The following BOP1 variants were observed in gnomAD, a reference collection of about 807,000 sequenced individuals.
BOP1 encodes BOP1 ribosomal biogenesis factor, also known as ribosome biogenesis protein BOP1.
BOP1 carries 54 observed loss-of-function variants against 82.9 expected under a neutral mutation model. The ratio of observed to expected loss-of-function variants is 0.65; its 90% CI spans 0.52 to 0.82. The LOEUF (loss-of-function observed/expected upper bound fraction) is 0.82. BOP1 is among the 40% of genes least tolerant of loss of function. BOP1 has a pLI of 0.00. For synonymous variants in BOP1, 566 were observed against 451.1 expected, an observed-to-expected ratio of 1.25 and a Z score of -3.23; for missense variants, 1,170 against 1,072.0, an observed-to-expected ratio of 1.09 and a Z score of -1.28.
chr8:144,265,532 C>G (rs957968509), intron 3 of BOP1: 1 of 186,956 alleles, frequency 5.3e-6, no homozygotes, highest in Non-Finnish European at 1.1e-5. Flanking sequence ...GACCCCCCAC[C>G]GTCTGCCCTC....
At chr8:144,263,949 T>C in intron 8 of BOP1, 32 bp downstream of exon 8, 1 of 1,611,318 alleles carries the variant, frequency 6.2e-7, no homozygotes, top group Non-Finnish European at 8.5e-7. Context: ...TTGCCCCCTG[T>C]GCCACCCCCC....
At chr8:144,271,090 GGCC>G (rs1845485090) in intron 3 of BOP1, among the ~76,000 whole-genome samples, 1 of 151,730 alleles carries the variant, frequency 6.6e-6, no homozygotes, top group Non-Finnish European at 1.5e-5. Flanking sequence ...CCGGCCGGCC[GGCC>G]GGGGGCACAC....
At chr8:144,265,564 G>GT (rs1845342987) in intron 3 of BOP1, 1 of 178,118 alleles carries the variant, frequency 5.6e-6, no homozygotes, top group African/African-American at 2.4e-5. Flanking sequence ...AGGCAGAACA[G>GT]CCACGTTCCT....
At chr8:144,286,079 G>C (rs1554839435) in intron 2 of BOP1, among the ~76,000 whole-genome samples, 1 of 152,232 alleles carries the variant, frequency 6.6e-6, no homozygotes, top group African/African-American at 2.4e-5. Context: ...CCATTCAAGA[G>C]GGGCGCGGAG....
intron 3 of BOP1, among the ~76,000 whole-genome samples, chr8:144,269,667 G>A (rs1325233148): frequency 2.0e-5 from 3 of 152,208 alleles, no homozygotes; most frequent in African/African-American, 4.8e-5. Context: ...TAATCCTGCA[G>A]GAGCCCACAG....
intron 3 of BOP1, among the ~76,000 whole-genome samples, chr8:144,269,553 G>A (rs1845457953): frequency 6.6e-6 from 1 of 152,236 alleles, no homozygotes; most frequent in Non-Finnish European, 1.5e-5. Flanking sequence ...AGCCATTAAG[G>A]GCTAGAGGGG....
intron 3 of BOP1, chr8:144,266,942 A>T: frequency 1.3e-6 from 2 of 1,559,934 alleles, no homozygotes; most frequent in Non-Finnish European, 1.7e-6. Context: ...GCCGACCGCA[A>T]GCTCTCCAAG....
At chr8:144,271,692 G>C (rs931034035) in intron 3 of BOP1, among the ~76,000 whole-genome samples, 3 of 151,904 alleles carry the variant, frequency 2.0e-5, no homozygotes, top group Non-Finnish European at 4.4e-5. Flanking sequence ...GGGCCAGAGG[G>C]GAGAAAGCCA....
At position 144,264,072 on chromosome 8, in the gene BOP1, A is replaced by G; in HGVS notation, c.1049T>C (p.Leu350Pro). 6.2e-7 allele frequency: 1 copy of G among 1,610,094 alleles called. No individual in the cohort carries two copies. Among genetic ancestry groups the G allele is most frequent in the Non-Finnish European group, 8.5e-7 (1 of 1,179,574 alleles). Residue 350 changes from leucine to proline, a missense_variant, in exon 8 of 16, where the codon CTG (leucine) becomes CCG (proline). Physicochemically the swap from Leu to Pro is moderately conservative, Grantham distance 98. Transcript: ENST00000569669. ...GCGTCCGTAGGCAGGCACGGCCCGC[A>G]GGCTCGGGAACTTGCGTGGCAAAAA... is the stretch of plus-strand genomic sequence containing the variant. ...LSFLPRKFPS[L>P]RAVPAYGRFI...
In BOP1 at chr8:144,291,238, G is replaced by A; in HGVS notation, c.99+34C>T. 1.4e-6 allele frequency: 2 copies of A among 1,436,304 alleles called. No homozygotes were observed. The highest frequency in any genetic ancestry group is 1.8e-6 in the Non-Finnish European group (2 of 1,096,906). The allele number at this position is 1,436,304 out of a possible 1,614,324, so 89.0% of individuals were successfully genotyped here. On this transcript the variant is annotated intron_variant, in intron 1 of 15. Transcript: ENST00000569669. This position sits in a 1 kb window ranked among gnomAD's most constrained non-coding sequence, Gnocchi z 4.1. ...CCACGTGCCCGCCGGGCCCTCTAGG[G>A]ACGCGCCCCGCCGCCCCGCATCGCC...
chr8:144,271,547 G>A lies in BOP1; in HGVS notation c.390+4677C>T, dbSNP rs564925480. On this transcript the variant is annotated intron_variant, in intron 3 of 15. Transcript: ENST00000569669. ...TCTCGGAGCGCCACACGGCCTTCCTGTGCGACGTGAGGCCGCCTCCTCTTC... is the reference window on the plus strand; with the variant it reads ...TCTCGGAGCGCCACACGGCCTTCCTATGCGACGTGAGGCCGCCTCCTCTTC... Among the ~76,000 whole-genome samples, 1,519 of 152,282 alleles carry A rather than the reference G, an allele frequency of 1.0e-2. 29 individuals are homozygous for A. Among genetic ancestry groups the A allele is most frequent in the African/African-American group, 0.034 (1,432 of 41,554 alleles).
At chr8:144,266,352 G>A (rs1205085614) in intron 3 of BOP1, among the ~76,000 whole-genome samples, 1 of 150,682 alleles carries the variant, frequency 6.6e-6, no homozygotes, top group African/African-American at 2.4e-5. Flanking sequence ...CGAGGGACGC[G>A]GCGGGCGCTG....
At chr8:144,271,255 G>A (rs1200578104) in intron 3 of BOP1, among the ~76,000 whole-genome samples, 9 of 151,890 alleles carry the variant, frequency 5.9e-5, no homozygotes, top group Non-Finnish European at 1.3e-4. Flanking sequence ...CCTCCCCAAA[G>A]TGGCTGCAGC....
Position 144,286,459 on chromosome 8 carries a change from T to C in BOP1, c.309+2636A>G, listed in dbSNP as rs552995825. 6.8e-3 allele frequency among the ~76,000 whole-genome samples: 628 copies of C among 92,944 alleles called. 10 individuals carry two copies. Among genetic ancestry groups the C allele is most frequent in the South Asian group, 0.018 (40 of 2,182 alleles). The allele number at this position is 92,944 out of a possible 152,430, so 61.0% of individuals were successfully genotyped here. On this transcript the variant is annotated intron_variant, in intron 2 of 15. Coordinates refer to ENST00000569669, the MANE Select transcript of BOP1 (RefSeq NM_015201.5). ...AGCACAGGACACGCGGGCAGGTGCA[T>C]GGGCGCCACGGCAGGGCAGGGCCTC...
rs587633556 is a variant in BOP1 at position 144,280,983 on chromosome 8, C to T, written c.310-4679G>A. On this transcript the variant is annotated intron_variant, in intron 2 of 15. Coordinates refer to ENST00000569669, the MANE Select transcript of BOP1 (RefSeq NM_015201.5). ...GCCTTCTCTCACTTTAATACCAGGTCTTCGGCCTTCTCTCACTTTCATACC... is the reference window on the plus strand; with the variant it reads ...GCCTTCTCTCACTTTAATACCAGGTTTTCGGCCTTCTCTCACTTTCATACC... 1.5e-4 allele frequency among the ~76,000 whole-genome samples: 22 copies of T among 151,134 alleles called. No homozygotes were observed. The East Asian group carries it at 4.3e-3, about 30-fold the overall frequency.
chr8:144,268,136 C>A, intron 3 of BOP1: 2 of 1,551,738 alleles, frequency 1.3e-6, no homozygotes, highest in African/African-American at 1.4e-5. Context: ...CAGCGATTCG[C>A]AGTTAGGAGG....
At position 144,263,655 on chromosome 8, in the gene BOP1, G is replaced by GC. The variant is rs1349399425; in HGVS notation, c.1291+36dup. ...CTCTCAACACCTGGCCATCCCACCT[G>GC]CCCCCCAGCTCAAGGCTGCCCCCAG... On this transcript the variant is annotated intron_variant, in intron 10 of 15. Coordinates refer to ENST00000569669, the MANE Select transcript of BOP1 (RefSeq NM_015201.5). 106 of 1,601,520 alleles carry GC rather than the reference G, an allele frequency of 6.6e-5. 1 individual carries two copies. In the African/African-American group the frequency reaches 1.2e-3, roughly 18 times the overall value.
chr8:144,274,021 AT>A, intron 3 of BOP1, among the ~76,000 whole-genome samples: 1 of 151,508 alleles, frequency 6.6e-6, no homozygotes, highest in East Asian at 1.9e-4. Flanking sequence ...CAGGCCCTGG[AT>A]CCAGACCCAG....
At chr8:144,275,789 C>G (rs1294228612) in intron 3 of BOP1, among the ~76,000 whole-genome samples, 1 of 152,110 alleles carries the variant, frequency 6.6e-6, no homozygotes, top group Non-Finnish European at 1.5e-5. Flanking sequence ...CCGCCTGGCC[C>G]CCAGCCAACC....
Sources: gnomAD v4.1 joint callset for allele counts (sites outside exome capture counted in the v4.1 genomes callset) on GRCh38, gnomAD v4.1.1 for gene constraint, Gnocchi (gnomAD v3.1) non-coding constraint, MANE v1.5 for transcripts, NCBI Gene and HGNC (gene_info 2026-07-23, HGNC 2026-07-21) for gene names.